Variants in COL4A5 observed in about 807,000 individuals in gnomAD.
COL4A5 encodes collagen type IV alpha 5 chain.
In COL4A5, 26 loss-of-function variants were observed where a neutral mutation model predicts 130.2. The ratio of observed to expected loss-of-function variants is 0.20; its 90% CI spans 0.15 to 0.28. COL4A5 has a LOEUF of 0.28. Ranked by LOEUF, COL4A5 falls within the 10% of genes least tolerant of loss-of-function variation. The probability of loss-of-function intolerance (pLI) is 1.00; values close to 1 mark genes in which losing one functional copy is unlikely to be tolerated. For synonymous variants in COL4A5, 496 were observed against 439.6 expected (o/e 1.13, Z -1.60); for missense variants, 1,131 against 1,344.3 (o/e 0.84, Z 2.48).
At chrX:108,497,771 A>T (rs980964093) in intron 1 of COL4A5, among the ~76,000 whole-genome samples, 1 of 111,865 alleles carries the variant, frequency 8.9e-6, no homozygotes, top group African/African-American at 3.2e-5. Flanking sequence ...AGGTCCAAGA[A>T]AAATTGTTAC....
At chrX:108,619,922 A>G (rs1307137209) in intron 30 of COL4A5, among the ~76,000 whole-genome samples, 1 of 112,427 alleles carries the variant, frequency 8.9e-6, no homozygotes, top group Admixed American at 9.4e-5. Flanking sequence ...TAATAACCAA[A>G]AAGGTAGGCT....
intron 1 of COL4A5, among the ~76,000 whole-genome samples, chrX:108,441,570 G>T: frequency 8.9e-6 from 1 of 112,286 alleles, no homozygotes; most frequent in Non-Finnish European, 1.9e-5. Flanking sequence ...TACTATGCAT[G>T]CCATAATTTT....
intron 31 of COL4A5, 93 bp from the exon 32 acceptor site, chrX:108,621,710 C>T (rs2067054727): frequency 1.4e-6 from 1 of 696,610 alleles, no homozygotes; most frequent in Admixed American, 2.6e-5. Context: ...TACGTCCAAC[C>T]CTCAATAGTT....
chrX:108,639,115 G>T (rs1307553792), intron 36 of COL4A5, among the ~76,000 whole-genome samples: 1 of 111,012 alleles, frequency 9.0e-6, no homozygotes, highest in African/African-American at 3.3e-5. Context: ...AAAGAACCAG[G>T]TTGGAGGACT....
At chrX:108,640,118 G>A (rs985141531) in intron 36 of COL4A5, among the ~76,000 whole-genome samples, 1 of 111,976 alleles carries the variant, frequency 8.9e-6, no homozygotes, top group African/African-American at 3.2e-5. Context: ...TTATTCACAA[G>A]TCACAAGGTG....
Position 108,645,066 on chromosome X carries a change from C to T in COL4A5, c.3247-10265C>T, listed in dbSNP as rs139664505. 6.1e-3 allele frequency among the ~76,000 whole-genome samples: 669 copies of T among 109,780 alleles called. 2 individuals are homozygous for T. Among genetic ancestry groups the T allele is most frequent in the East Asian group, 0.038 (131 of 3,486 alleles). ...ACCTATCAAAGCCTTTGGGATACAGCAAAGGTGGTGCAAAGAGGAAAGTTC... is the reference window on the plus strand; with the variant it reads ...ACCTATCAAAGCCTTTGGGATACAGTAAAGGTGGTGCAAAGAGGAAAGTTC... On this transcript the variant is annotated intron_variant, in intron 36 of 52. Transcript: ENST00000328300.
At chrX:108,444,212 C>CT (rs1019210864) in intron 1 of COL4A5, among the ~76,000 whole-genome samples, 12 of 100,593 alleles carry the variant, frequency 1.2e-4, no homozygotes, top group Admixed American at 4.2e-4. Flanking sequence ...GTTCCAGACT[C>CT]TTTTTTTTTT....
chrX:108,620,122 A>G, intron 30 of COL4A5, 137 bp from the exon 31 acceptor site: 1 of 526,569 alleles, frequency 1.9e-6, no homozygotes, highest in Non-Finnish European at 3.3e-6. Flanking sequence ...TTTTGTGTGC[A>G]TGATGTCAAA....
In COL4A5 at chrX:108,472,078, G is replaced by A. The variant is rs147837792; in HGVS notation, c.81+31872G>A. Among the ~76,000 whole-genome samples, 683 of 110,462 alleles carry A rather than the reference G, an allele frequency of 6.2e-3. 2 individuals carry two copies. The highest frequency in any genetic ancestry group is 0.037 in the East Asian group (130 of 3,529). ...TCTTAAGTATTTTCTAATTAGTTTT[G>A]TAATTTCTTCTTTGACCTATTGGTT... is the stretch of plus-strand genomic sequence containing the variant. On this transcript the variant is annotated intron_variant, in intron 1 of 52. Transcript: ENST00000328300.
intron 1 of COL4A5, among the ~76,000 whole-genome samples, chrX:108,494,383 GTAA>G (rs1365133028): frequency 5.5e-4 from 62 of 111,914 alleles, no homozygotes; most frequent in African/African-American, 1.9e-3. Flanking sequence ...AAGAAAAGAT[GTAA>G]TACAATTAGT....
chrX:108,517,863 T>A (rs1051904944), intron 1 of COL4A5, among the ~76,000 whole-genome samples: 1 of 111,081 alleles, frequency 9.0e-6, no homozygotes, highest in African/African-American at 3.3e-5. Flanking sequence ...TGAATACTCA[T>A]AATATTTTAT....
intron 1 of COL4A5, among the ~76,000 whole-genome samples, chrX:108,480,903 A>G (rs1362778334): frequency 8.9e-6 from 1 of 112,086 alleles, no homozygotes; most frequent in Non-Finnish European, 1.9e-5. Context: ...CGGATACGAT[A>G]TTGTTGTTGA....
intron 1 of COL4A5, among the ~76,000 whole-genome samples, chrX:108,501,294 C>T (rs1014381815): frequency 2.7e-5 from 3 of 111,713 alleles, no homozygotes; most frequent in African/African-American, 9.8e-5. Flanking sequence ...TTTTTTACCC[C>T]ATAATCCTTC....
chrX:108,462,621 C>G (rs2147493208), intron 1 of COL4A5: 1 of 112,537 alleles, frequency 8.9e-6, no homozygotes, highest in Admixed American at 9.4e-5. Context: ...CCAGGCTGGT[C>G]TCTACTACTG....
chrX:108,524,650 T>A (rs1305325471), intron 1 of COL4A5, among the ~76,000 whole-genome samples: 1 of 111,602 alleles, frequency 9.0e-6, no homozygotes, highest in Admixed American at 9.5e-5. Flanking sequence ...TTATCTCTAA[T>A]CACTGCTTTA....
intron 42 of COL4A5, chrX:108,670,533 C>G (rs1343736758): frequency 3.0e-6 from 1 of 336,125 alleles, no homozygotes; most frequent in South Asian, 4.6e-5. Context: ...TTCTACCTTT[C>G]TTTGGAGTCT....
intron 1 of COL4A5, among the ~76,000 whole-genome samples, chrX:108,466,954 A>T (rs2147500590): frequency 9.0e-6 from 1 of 111,488 alleles, no homozygotes; most frequent in South Asian, 3.7e-4. Context: ...ATTTGCAAGT[A>T]TTTTCTCCTA....
At chrX:108,535,888 T>G (rs1259364728) in intron 1 of COL4A5, among the ~76,000 whole-genome samples, 2 of 110,649 alleles carry the variant, frequency 1.8e-5, no homozygotes, top group Admixed American at 9.7e-5. Flanking sequence ...TCTGGATACC[T>G]AACTGGCCAC....
chrX:108,695,369 G>T lies in COL4A5; in HGVS notation c.4924G>T (p.Gly1642Cys). Residue 1642 changes from glycine (G) to cysteine (C), a missense_variant, in exon 52 of 53, where the codon GGT (glycine) becomes TGT (cysteine). Physicochemically the swap from Gly to Cys is radical, Grantham distance 159 (BLOSUM62 -3). Transcript: ENST00000328300. ...TCCCTTCATCGAATGTCATGGGAGG[G>T]GTACCTGTAACTACTATGCCAACTC... Reference protein sequence around the residue: ...SAPFIECHGRGTCNYYANSYS... With the variant: ...SAPFIECHGRCTCNYYANSYS... The T allele has an allele frequency of 8.3e-7, 1 of 1,211,087 alleles. No homozygotes were observed. Among genetic ancestry groups the T allele is most frequent in the Non-Finnish European group, 1.1e-6 (1 of 895,072 alleles).
Sources: gnomAD v4.1 joint callset for allele counts (sites outside exome capture counted in the v4.1 genomes callset) on GRCh38, gnomAD v4.1.1 for gene constraint, MANE v1.5 for transcripts, NCBI Gene and HGNC (gene_info 2026-07-23, HGNC 2026-07-21) for gene names.